The following RAB6A variants were observed in gnomAD, a reference collection of about 807,000 sequenced individuals.
RAB6A encodes the protein ras-related protein Rab-6A.
Under a neutral mutation model 32.3 loss-of-function variants are expected in RAB6A, and 8 were observed. That is an observed-to-expected ratio of 0.25 (90% CI 0.15 to 0.45). The LOEUF is 0.45. Ranked by LOEUF, RAB6A falls within the 20% of genes least tolerant of loss-of-function variation. RAB6A has a pLI of 1.00. For missense variants in RAB6A, 104 were observed against 249.4 expected (o/e 0.42, Z 3.93); for synonymous variants, 73 against 82.1 (o/e 0.89, Z 0.60).
intron 1 of RAB6A, among the ~76,000 whole-genome samples, chr11:73,736,592 G>C (rs185488661): frequency 6.6e-6 from 1 of 151,858 alleles, no homozygotes; most frequent in African/African-American, 2.4e-5. Flanking sequence ...AGGAGTTTGA[G>C]ACCAGCCTGG....
chr11:73,741,684 T>G (rs906963704), intron 1 of RAB6A, among the ~76,000 whole-genome samples: 1 of 152,004 alleles, frequency 6.6e-6, no homozygotes, highest in Non-Finnish European at 1.5e-5. Flanking sequence ...CAAAAAGAAA[T>G]AAGCTATCAA....
chr11:73,709,474 T>G (rs946680570), intron 5 of RAB6A, among the ~76,000 whole-genome samples: 47 of 147,762 alleles, frequency 3.2e-4, no homozygotes, highest in Admixed American at 1.6e-3. Flanking sequence ...CTATTATTAT[T>G]ATGACTCGTG....
At chr11:73,743,989 T>C (rs1462292474) in intron 1 of RAB6A, among the ~76,000 whole-genome samples, 1 of 152,012 alleles carries the variant, frequency 6.6e-6, no homozygotes, top group Non-Finnish European at 1.5e-5. Context: ...GAGGCAGGGA[T>C]CACTTGAGCC....
intron 6 of RAB6A, among the ~76,000 whole-genome samples, chr11:73,679,921 T>A (rs1945327978): frequency 6.6e-6 from 1 of 151,644 alleles, no homozygotes; most frequent in South Asian, 2.1e-4. Context: ...ATGGTGAAAC[T>A]CTGTCTCTAC....
In RAB6A at chr11:73,732,665, C is replaced by A. The variant is rs567033969; in HGVS notation, c.71-1842G>T. Among the ~76,000 whole-genome samples, 5 of 152,214 alleles carry A rather than the reference C, an allele frequency of 3.3e-5. No individual in the cohort carries two copies. The South Asian group carries it at 1.0e-3, about 32-fold the overall frequency. On this transcript the variant is annotated intron_variant, in intron 1 of 7. Coordinates refer to ENST00000336083, the MANE Select transcript of RAB6A (RefSeq NM_198896.2). ...AACCCAGCTACTTGGGAGGCTCAGGCAACAGAATCGCTTGAATCTGGGAGG... is the reference window on the plus strand; with the variant it reads ...AACCCAGCTACTTGGGAGGCTCAGGAAACAGAATCGCTTGAATCTGGGAGG...
chr11:73,697,793 A>C (rs1049035525), intron 6 of RAB6A, among the ~76,000 whole-genome samples: 8 of 152,244 alleles, frequency 5.3e-5, no homozygotes, highest in African/African-American at 1.9e-4. Context: ...TGCCTATAAC[A>C]TAACTAGGCA....
At chr11:73,722,911 A>G (rs1946163727) in intron 2 of RAB6A, among the ~76,000 whole-genome samples, 1 of 151,866 alleles carries the variant, frequency 6.6e-6, no homozygotes. Context: ...GGTTCAAGCA[A>G]TTTTAGTGCC....
intron 1 of RAB6A, among the ~76,000 whole-genome samples, chr11:73,758,937 T>C (rs922981334): frequency 2.0e-5 from 3 of 152,054 alleles, no homozygotes; most frequent in Admixed American, 6.6e-5. Context: ...CAGGAAAATA[T>C]ATAAGCAAAA....
intron 3 of RAB6A, among the ~76,000 whole-genome samples, chr11:73,720,513 T>C (rs1590860957): frequency 6.6e-6 from 1 of 152,160 alleles, no homozygotes; most frequent in Admixed American, 6.6e-5. Flanking sequence ...GTCACTTTGA[T>C]ACGCATCCTA....
chr11:73,712,848 G>A (rs1204558621), intron 5 of RAB6A, among the ~76,000 whole-genome samples: 1 of 150,986 alleles, frequency 6.6e-6, no homozygotes, highest in Non-Finnish European at 1.5e-5. Flanking sequence ...CACCCAAGTA[G>A]CTGGGATTAC....
intron 3 of RAB6A, among the ~76,000 whole-genome samples, chr11:73,719,168 T>C (rs1404749766): frequency 6.6e-6 from 1 of 152,188 alleles, no homozygotes; most frequent in African/African-American, 2.4e-5. Flanking sequence ...TTTCCCTACC[T>C]AAAACCTGTT....
intron 5 of RAB6A, among the ~76,000 whole-genome samples, chr11:73,715,473 T>C (rs1022312689): frequency 1.3e-5 from 2 of 152,174 alleles, no homozygotes; most frequent in Non-Finnish European, 2.9e-5. Context: ...GGGCTTCATA[T>C]CTCCACAAGT....
chr11:73,730,541 G>A, intron 2 of RAB6A: 1 of 465,610 alleles, frequency 2.1e-6, no homozygotes, highest in Non-Finnish European at 3.8e-6. Context: ...GATGATATTG[G>A]AGATATATTT....
chr11:73,724,261 C>G (rs1380014035), intron 2 of RAB6A, among the ~76,000 whole-genome samples: 2 of 152,150 alleles, frequency 1.3e-5, no homozygotes, highest in East Asian at 3.8e-4. Context: ...CAAAAACATT[C>G]ACTTGAGAAT....
intron 1 of RAB6A, among the ~76,000 whole-genome samples, chr11:73,753,595 C>T (rs1236885065): frequency 3.9e-5 from 6 of 151,924 alleles, no homozygotes; most frequent in Admixed American, 3.9e-4. Context: ...CCTGTAGTCC[C>T]AGCTACTCCG....
At chr11:73,744,576 T>C (rs1946555032) in intron 1 of RAB6A, among the ~76,000 whole-genome samples, 1 of 147,188 alleles carries the variant, frequency 6.8e-6, no homozygotes, top group Admixed American at 6.8e-5. Flanking sequence ...GGACTTTTAT[T>C]TTACTCCTAC....
intron 1 of RAB6A, among the ~76,000 whole-genome samples, chr11:73,736,655 T>G (rs1213233504): frequency 6.7e-6 from 1 of 148,782 alleles, no homozygotes; most frequent in Non-Finnish European, 1.5e-5. Flanking sequence ...AGCCAGGCAT[T>G]GTGGCTCATG....
At chr11:73,723,913 A>G (rs1464156307) in intron 2 of RAB6A, among the ~76,000 whole-genome samples, 3 of 152,208 alleles carry the variant, frequency 2.0e-5, no homozygotes, top group Non-Finnish European at 2.9e-5. Context: ...CCACATATCT[A>G]TATACTGTAA....
intron 6 of RAB6A, among the ~76,000 whole-genome samples, chr11:73,702,773 C>G (rs1945767038): frequency 1.3e-5 from 2 of 152,100 alleles, no homozygotes; most frequent in South Asian, 2.1e-4. Context: ...CCTGTAAATA[C>G]ATTTACCAAA....
Sources: gnomAD v4.1 joint callset for allele counts (sites outside exome capture counted in the v4.1 genomes callset) on GRCh38, gnomAD v4.1.1 for gene constraint, MANE v1.5 for transcripts, NCBI Gene and HGNC (gene_info 2026-07-23, HGNC 2026-07-21) for gene names.